The following SHOX variants were observed in gnomAD, a reference collection of about 807,000 sequenced individuals.
The protein encoded by SHOX is short stature homeobox protein.
In SHOX, 12 loss-of-function variants were observed where a neutral mutation model predicts 29.6. That is an observed-to-expected ratio of 0.41 (90% confidence interval 0.26 to 0.66). The LOEUF is 0.66. Among genes scored for constraint, SHOX ranks in the 30% least tolerant of loss-of-function variants. SHOX has a pLI of 0.35. For synonymous variants in SHOX, 214 were observed against 200.6 expected (o/e 1.07, Z -0.57); for missense variants, 499 against 437.7 (o/e 1.14, Z -1.25).
rs1482023376 is a variant in SHOX, at chrX:641,019, A to T, written c.565A>T (p.Asn189Tyr). 5 of 1,613,696 alleles carry T rather than the reference A, an allele frequency of 3.1e-6. No homozygotes were observed. The highest frequency in any genetic ancestry group is 1.7e-6 in the Non-Finnish European group (2 of 1,179,858). The part of the protein sequence containing the change: ...MHKGVILGTA[N>Y]HLDACRVAPY... ...CACAGGCGTCATCTTGGGCACAGCC[A>T]ACCACCTAGACGCCTGCCGAGTGGC... The change falls in exon 4 of 5, where the codon AAC (asparagine) becomes TAC (tyrosine). Residue 189 changes from asparagine to tyrosine, a missense_variant. Physicochemically the swap from Asn to Tyr is moderately radical, Grantham distance 143. Transcript: ENST00000686671.
At chrX:637,536 A>T in intron 2 of SHOX, among the ~76,000 whole-genome samples, 1 of 151,674 alleles carries the variant, frequency 6.6e-6, no homozygotes, top group African/African-American at 2.4e-5. Flanking sequence ...TATCGATTGC[A>T]GGGGTCGCAT....
rs891536360 is a variant in SHOX, at chrX:650,261, G to A, written c.*5625G>A. Among the ~76,000 whole-genome samples the A allele has an allele frequency of 3.3e-5, 5 of 152,182 alleles. No individual in the cohort carries two copies. The highest frequency in any genetic ancestry group is 1.2e-4 in the African/African-American group (5 of 41,458). On this transcript the variant is annotated 3_prime_UTR_variant, in exon 5 of 5. Coordinates refer to ENST00000686671, the MANE Select transcript of SHOX (RefSeq NM_000451.4). ...ACAAAGCTGGTGGTGCGACGGGCTT[G>A]GTGTCTCCCGTACGGGAAGGAGGCC...
In SHOX at chrX:634,255, G is replaced by C. The variant is rs73607259; in HGVS notation, c.278-363G>C. Reference sequence around the variant, plus strand: ...CGTGTCCTTCCCGGGCGTCCCGCCGGGGATCCCACAGTTGGCAGCTCTTCC... The same window carrying C: ...CGTGTCCTTCCCGGGCGTCCCGCCGCGGATCCCACAGTTGGCAGCTCTTCC... On this transcript the variant is annotated intron_variant, in intron 1 of 4. Transcript: ENST00000686671. Among the ~76,000 whole-genome samples, 589 of 152,252 alleles carry C rather than the reference G, an allele frequency of 3.9e-3. 2 individuals are homozygous for C. The highest frequency in any genetic ancestry group is 0.012 in the African/African-American group (518 of 41,570).
At chrX:625,058 C>CCTCCCTCTGTTCCTTCT (rs2052494283) in intron 1 of SHOX, among the ~76,000 whole-genome samples, 1 of 75,214 alleles carries the variant, frequency 1.3e-5, no homozygotes, top group East Asian at 2.9e-4. Context: ...TCTGTTCCTT[C>CCTCCCTCTGTTCCTTCT]CTCCCTCCCT....
At chrX:635,555 T>C (rs1363217073) in intron 2 of SHOX, among the ~76,000 whole-genome samples, 1 of 152,158 alleles carries the variant, frequency 6.6e-6, no homozygotes, top group Non-Finnish European at 1.5e-5. Flanking sequence ...GTTGGGCATC[T>C]GGATGAGCGG....
rs181865280 is a variant in SHOX, at chrX:649,290, C to T, written c.*4654C>T. ...CTGACCTCACATGATCCACCCGCCT[C>T]AGCCTCCCAGAGTGCTGGGATTACG... On this transcript the variant is annotated 3_prime_UTR_variant, in exon 5 of 5. Transcript: ENST00000686671. 1.3e-5 allele frequency among the ~76,000 whole-genome samples: 2 copies of T among 152,208 alleles called. No individual in the cohort carries two copies. The highest frequency in any genetic ancestry group is 3.9e-4 in the East Asian group (2 of 5,146).
In SHOX at chrX:634,607, T is replaced by C. The variant is rs1415239555; in HGVS notation, c.278-11T>C. On this transcript the variant is annotated splice_polypyrimidine_tract_variant and intron_variant, in intron 1 of 4. Transcript: ENST00000686671. Reference sequence around the variant, plus strand: ...CCGGCCTCAGCCCTGTGCCCTCCGCTCCCCACGCAGGGATTTATGAATGCA... The same window carrying C: ...CCGGCCTCAGCCCTGTGCCCTCCGCCCCCCACGCAGGGATTTATGAATGCA... 1.9e-6 allele frequency: 3 copies of C among 1,612,854 alleles called. No homozygotes were observed. In the South Asian group the frequency reaches 3.3e-5, roughly 18 times the overall value.
rs1603289787 is a variant in SHOX, at chrX:649,017, T to C, written c.*4381T>C. On this transcript the variant is annotated 3_prime_UTR_variant, in exon 5 of 5. Transcript: ENST00000686671. ...CTCTTTTCCTTTTTTGTTTCTTTCT[T>C]TCTTTTTCTTTCTTTCTTTTTCTTT... Among the ~76,000 whole-genome samples the C allele has an allele frequency of 1.6e-5, 2 of 122,150 alleles. No homozygotes were observed. Among genetic ancestry groups the C allele is most frequent in the South Asian group, 2.3e-4 (1 of 4,376 alleles). The allele number at this position is 122,150 out of a possible 152,430, so 80.1% of individuals were successfully genotyped here. A position where few individuals can be genotyped will look rare whatever the true frequency, so the allele number is the denominator to read the frequency against.
chrX:658,281 G>A (rs1408304913), intron 5 of SHOX, among the ~76,000 whole-genome samples: 1 of 151,234 alleles, frequency 6.6e-6, no homozygotes, highest in Non-Finnish European at 1.5e-5. Flanking sequence ...GGCCCCAGGT[G>A]GTCTTTTTAG....
chrX:655,893 G>A (rs2053139707), downstream of SHOX, among the ~76,000 whole-genome samples: 1 of 151,814 alleles, frequency 6.6e-6, no homozygotes, highest in Non-Finnish European at 1.5e-5. Context: ...AAGCAAGTTA[G>A]GCTGGACGTG....
At position 649,037 on chromosome X, in the gene SHOX, T is replaced by C. The variant is rs1383823507; in HGVS notation, c.*4401T>C. 2.5e-5 allele frequency among the ~76,000 whole-genome samples: 2 copies of C among 80,302 alleles called. No homozygotes were observed. Among genetic ancestry groups the C allele is most frequent in the African/African-American group, 6.8e-5 (2 of 29,424 alleles). The allele number at this position is 80,302 out of a possible 152,430, so 52.7% of individuals were successfully genotyped here. On this transcript the variant is annotated 3_prime_UTR_variant, in exon 5 of 5. Transcript: ENST00000686671. ...TTTCTTTCTTTTTCTTTCTTTCTTT[T>C]TCTTTCTTCTTTCTTTCTTCGATGA...
rs2213234 is a variant in SHOX at position 650,352 on chromosome X, G to A, written c.*5716G>A. On this transcript the variant is annotated 3_prime_UTR_variant, in exon 5 of 5. Coordinates refer to ENST00000686671, the MANE Select transcript of SHOX (RefSeq NM_000451.4). ...CTCCATCCCGCCAAAGTCCAGCCAG[G>A]CCCCCGAAATGGTCCCATTTCCTTG... is the stretch of plus-strand genomic sequence containing the variant. 0.28 allele frequency among the ~76,000 whole-genome samples: 41,961 copies of A among 151,914 alleles called. 5,996 individuals carry two copies. Among genetic ancestry groups the A allele is most frequent in the Admixed American group, 0.36 (5,489 of 15,260 alleles).
chrX:635,514 C>T (rs1034892010), intron 2 of SHOX, among the ~76,000 whole-genome samples: 1 of 152,154 alleles, frequency 6.6e-6, no homozygotes, highest in Non-Finnish European at 1.5e-5. Flanking sequence ...CCACCCCCTC[C>T]TCCCTCCGGC....
chrX:634,185 G>A (rs1171180983), intron 1 of SHOX, among the ~76,000 whole-genome samples: 1 of 152,182 alleles, frequency 6.6e-6, no homozygotes, highest in Non-Finnish European at 1.5e-5. Flanking sequence ...TGGGGATAGC[G>A]TCTCTCCGTA....
Position 650,339 on chromosome X carries a change from A to G in SHOX, c.*5703A>G, listed in dbSNP as rs1057194507. 7.2e-6 allele frequency among the ~76,000 whole-genome samples: 1 copy of G among 139,808 alleles called. No individual in the cohort carries two copies. Among genetic ancestry groups the G allele is most frequent in the African/African-American group, 2.6e-5 (1 of 37,998 alleles). 91.7% of individuals were successfully genotyped at this position (139,808 alleles called of 152,430 possible). A position where few individuals can be genotyped will look rare whatever the true frequency, so the allele number is the denominator to read the frequency against. The stretch of plus-strand genomic sequence containing the variant: ...GTAGGAATGGCCTCTCCATCCCGCC[A>G]AAGTCCAGCCAGGCCCCCGAAATGG... On this transcript the variant is annotated 3_prime_UTR_variant, in exon 5 of 5. Transcript: ENST00000686671.
At chrX:625,948 T>C, upstream of SHOX, among the ~76,000 whole-genome samples, 1 of 91,212 alleles carries the variant, frequency 1.1e-5, no homozygotes. Flanking sequence ...TCTCTCTGTC[T>C]TCGTTCCTCT....
chrX:648,942 CTTTT>C lies in SHOX; in HGVS notation c.*4307_*4310del, dbSNP rs367605046. On this transcript the variant is annotated 3_prime_UTR_variant, in exon 5 of 5. Transcript: ENST00000686671. ...TTTTTCTTTCTTTCTCTCTTTCTTTCTTTTCTTTCTTTCTGTTTCTTTCCTTTTT... is the reference window on the plus strand; with the variant it reads ...TTTTTCTTTCTTTCTCTCTTTCTTTCCTTTCTTTCTGTTTCTTTCCTTTTT... Among the ~76,000 whole-genome samples the C allele has an allele frequency of 0.031, 4,506 of 145,806 alleles. 267 individuals are homozygous for C. Among genetic ancestry groups the C allele is most frequent in the African/African-American group, 0.11 (4,251 of 39,522 alleles).
chrX:639,328 G>A (rs2052809541), intron 2 of SHOX, among the ~76,000 whole-genome samples: 1 of 152,196 alleles, frequency 6.6e-6, no homozygotes, highest in Non-Finnish European at 1.5e-5. Flanking sequence ...TCATGTATGG[G>A]GACCCTTGGT....
chrX:628,643 ATCTCTCTCTG>A (rs1480957994), upstream of SHOX, among the ~76,000 whole-genome samples: 1 of 6,706 alleles, frequency 1.5e-4, no homozygotes, highest in Non-Finnish European at 2.6e-4. Context: ...CTCTCTCTCC[ATCTCTCTCTG>A]TCTCTCCCTG....
Sources: gnomAD v4.1 joint callset for allele counts (sites outside exome capture counted in the v4.1 genomes callset) on GRCh38, gnomAD v4.1.1 for gene constraint, MANE v1.5 for transcripts, NCBI Gene and HGNC (gene_info 2026-07-23, HGNC 2026-07-21) for gene names.